The following TMSB15A variants were observed in gnomAD, a reference collection of about 807,000 sequenced individuals.
TMSB15A encodes thymosin beta-15A.
In TMSB15A, 1 loss-of-function variant was observed where a neutral mutation model predicts 3.2. That is an observed-to-expected ratio of 0.32 (90% CI 0.11 to 1.50). TMSB15A has a LOEUF of 1.50. Among genes scored for constraint, TMSB15A ranks in the 40% most tolerant of loss-of-function variants. TMSB15A has a pLI of 0.39. For missense variants in TMSB15A, 22 were observed against 27.8 expected (o/e 0.79, Z 0.47); for synonymous variants, 10 against 11.2 (o/e 0.90, Z 0.21).
chrX:102,515,238 G>A (rs1326832722), intron 1 of TMSB15A, 58 bp from the exon 2 acceptor site: 2 of 1,051,840 alleles, frequency 1.9e-6, no homozygotes, highest in South Asian at 2.3e-5. Context: ...TTCGGACTAA[G>A]GGGTCACAAG....
rs1934868018 is a variant in TMSB15A, at chrX:102,513,985, G to T, written c.*102C>A. ...GAACATAGGTGAGAAGATATCCGAAGACGCCTAAAATCTCTACAAACACAT... is the reference window on the plus strand; with the variant it reads ...GAACATAGGTGAGAAGATATCCGAATACGCCTAAAATCTCTACAAACACAT... On this transcript the variant is annotated 3_prime_UTR_variant, in exon 3 of 3. Coordinates refer to ENST00000289373, the MANE Select transcript of TMSB15A (RefSeq NM_021992.3). The T allele has an allele frequency of 5.3e-6, 5 of 942,549 alleles. No individual in the cohort carries two copies. In the South Asian group the frequency reaches 6.1e-5, roughly 12 times the overall value. 77.7% of individuals were successfully genotyped at this position (942,549 alleles called of 1,213,427 possible).
chrX:102,515,409 A>C (rs1414039229), intron 1 of TMSB15A, among the ~76,000 whole-genome samples: 1 of 111,776 alleles, frequency 8.9e-6, no homozygotes, highest in Non-Finnish European at 1.9e-5. Context: ...ATCAGAACGC[A>C]CCAGAAACCA....
chrX:102,516,562 C>A (rs963493284), intron 1 of TMSB15A, 104 bp downstream of exon 1: 1 of 113,266 alleles, frequency 8.8e-6, no homozygotes, highest in Non-Finnish European at 1.9e-5. Flanking sequence ...CAGCCCCAAC[C>A]TCGGCTCCTC....
chrX:102,515,274 T>C (rs781979067), intron 1 of TMSB15A, 94 bp from the exon 2 acceptor site: 69 of 710,245 alleles, frequency 9.7e-5, no homozygotes, highest in Non-Finnish European at 1.4e-4. Context: ...TTCATATCAA[T>C]GTATATTCTA....
chrX:102,516,475 T>A (rs782784029), intron 1 of TMSB15A, among the ~76,000 whole-genome samples, 191 bp downstream of exon 1: 28 of 112,544 alleles, frequency 2.5e-4, no homozygotes, highest in Non-Finnish European at 4.9e-4. Context: ...GGGCTCGGCA[T>A]CGAGCGCAGA....
At chrX:102,514,296 T>C (rs1478712477) in intron 2 of TMSB15A, among the ~76,000 whole-genome samples, 172 bp from the exon 3 acceptor site, 2 of 112,508 alleles carry the variant, frequency 1.8e-5, no homozygotes, top group Non-Finnish European at 3.8e-5. Context: ...TATGTGTGTG[T>C]GTTAACTACC....
At chrX:102,515,746 A>C (rs1192830649) in intron 1 of TMSB15A, among the ~76,000 whole-genome samples, 1 of 111,450 alleles carries the variant, frequency 9.0e-6, no homozygotes, top group Non-Finnish European at 1.9e-5. Context: ...GTCTCATAAT[A>C]GCTCCTTGTG....
At position 102,516,726 on chromosome X, in the gene TMSB15A, A is replaced by T. The variant is rs904722550; in HGVS notation, c.-78T>A. The T allele has an allele frequency of 9.0e-6, 1 of 110,648 alleles. No homozygotes were observed. 9.1% of individuals were successfully genotyped at this position (110,648 alleles called of 1,213,427 possible). On this transcript the variant is annotated 5_prime_UTR_variant, in exon 1 of 3. Transcript: ENST00000289373. ...GGGCTGAGACCCAGACTCGCTCCGGACCAGGTTAGCGTTCCCGCGCAGAGC... is the reference window on the plus strand; with the variant it reads ...GGGCTGAGACCCAGACTCGCTCCGGTCCAGGTTAGCGTTCCCGCGCAGAGC...
chrX:102,513,962 A>C lies in TMSB15A; in HGVS notation c.*125T>G. 3 of 750,955 alleles carry C rather than the reference A, an allele frequency of 4.0e-6. No homozygotes were observed. The highest frequency in any genetic ancestry group is 6.1e-6 in the Non-Finnish European group (3 of 489,808). The allele number at this position is 750,955 out of a possible 1,213,427, so 61.9% of individuals were successfully genotyped here. On this transcript the variant is annotated 3_prime_UTR_variant, in exon 3 of 3. Coordinates refer to ENST00000289373, the MANE Select transcript of TMSB15A (RefSeq NM_021992.3). ...CTACCTCTGACTTCTTAGCCAGGGA[A>C]CATAGGTGAGAAGATATCCGAAGAC... is the stretch of plus-strand genomic sequence containing the variant.
At chrX:102,514,370 T>G (rs969538000) in intron 2 of TMSB15A, among the ~76,000 whole-genome samples, 1 of 112,169 alleles carries the variant, frequency 8.9e-6, no homozygotes, top group Non-Finnish European at 1.9e-5. Flanking sequence ...AGAGACATGC[T>G]GTTGCCATTT....
chrX:102,514,142 A>G lies in TMSB15A; in HGVS notation c.101-18T>C. On this transcript the variant is annotated intron_variant, in intron 2 of 2. Transcript: ENST00000289373. Reference sequence around the variant, plus strand: ...CTGGATAGCTGGGAAGACAAACACAAAAATCATTAACCGTATGTACCTAAG... The same window carrying G: ...CTGGATAGCTGGGAAGACAAACACAGAAATCATTAACCGTATGTACCTAAG... 8.3e-7 allele frequency: 1 copy of G among 1,210,693 alleles called. No homozygotes were observed. Among genetic ancestry groups the G allele is most frequent in the Non-Finnish European group, 1.1e-6 (1 of 894,408 alleles).
intron 1 of TMSB15A, among the ~76,000 whole-genome samples, chrX:102,516,461 A>G (rs1487039541): frequency 8.9e-6 from 1 of 112,573 alleles, no homozygotes; most frequent in Non-Finnish European, 1.9e-5. Context: ...ACCGGCCCCC[A>G]GGAGGGCTCG....
intron 2 of TMSB15A, among the ~76,000 whole-genome samples, chrX:102,514,711 A>C (rs1352387917): frequency 8.9e-6 from 1 of 112,183 alleles, no homozygotes; most frequent in Non-Finnish European, 1.9e-5. Flanking sequence ...GTATAAGACC[A>C]CTGACCCAAA....
At chrX:102,515,565 G>A (rs782611362) in intron 1 of TMSB15A, among the ~76,000 whole-genome samples, 5 of 110,482 alleles carry the variant, frequency 4.5e-5, no homozygotes, top group East Asian at 5.7e-4. Context: ...TGTAACAGGA[G>A]ATAGCACTAT....
intron 1 of TMSB15A, among the ~76,000 whole-genome samples, chrX:102,516,421 C>G (rs1385568054): frequency 1.8e-5 from 2 of 112,809 alleles, no homozygotes; most frequent in African/African-American, 6.4e-5. Flanking sequence ...GCGCTCCCCG[C>G]CTCCCAACCC....
chrX:102,514,223 C>T (rs1160275818), intron 2 of TMSB15A, 99 bp from the exon 3 acceptor site: 13 of 987,128 alleles, frequency 1.3e-5, no homozygotes, highest in Non-Finnish European at 1.9e-5. Flanking sequence ...AGTCTGCATA[C>T]ATGCCTTAAA....
At position 102,513,686 on chromosome X, in the gene TMSB15A, G is replaced by T; in HGVS notation, c.*401C>A. 1 of 134,196 alleles carries T rather than the reference G, an allele frequency of 7.5e-6. No individual in the cohort carries two copies. The allele number at this position is 134,196 out of a possible 1,213,427, so 11.1% of individuals were successfully genotyped here. A position where few individuals can be genotyped will look rare whatever the true frequency, so the allele number is the denominator to read the frequency against. On this transcript the variant is annotated 3_prime_UTR_variant, in exon 3 of 3. Transcript: ENST00000289373. ...TCAACCACAGGAGTCTCAAGATAAT[G>T]ATTATATTGGTTACTTTATTACTAC...
chrX:102,516,549 C>G (rs781829370), intron 1 of TMSB15A, 117 bp downstream of exon 1: 1 of 113,149 alleles, frequency 8.8e-6, no homozygotes, highest in East Asian at 2.8e-4. Flanking sequence ...AGACGCGAAG[C>G]GCCAGCCCCA....
chrX:102,514,163 CTAAGAT>C, intron 2 of TMSB15A, 39 bp from the exon 3 acceptor site: 1 of 1,201,382 alleles, frequency 8.3e-7, no homozygotes, highest in African/African-American at 1.7e-5. Context: ...CCGTATGTAC[CTAAGAT>C]TAAGTTCAGT....
Sources: gnomAD v4.1 joint callset for allele counts (sites outside exome capture counted in the v4.1 genomes callset) on GRCh38, gnomAD v4.1.1 for gene constraint, MANE v1.5 for transcripts, NCBI Gene and HGNC (gene_info 2026-07-23, HGNC 2026-07-21) for gene names.